TFEC: variants seen among roughly 807,000 people sequenced by gnomAD.
TFEC encodes the protein transcription factor EC.
In TFEC, 31 loss-of-function variants were observed where a neutral mutation model predicts 41.6. The observed-to-expected ratio is 0.74, with a 90% CI of 0.56 to 1.01. The LOEUF (loss-of-function observed/expected upper bound fraction) is 1.01, where lower values mean the gene tolerates loss of function less well. TFEC is among the 50% of genes least tolerant of loss of function. The pLI is 0.00. For synonymous variants in TFEC, 143 were observed against 140.6 expected, an observed-to-expected ratio of 1.02 and a Z score of -0.12; for missense variants, 402 against 404.1, an observed-to-expected ratio of 0.99 and a Z score of 0.04.
At chr7:116,082,998 C>G (rs1031707368) in intron 3 of TFEC, among the ~76,000 whole-genome samples, 3 of 151,518 alleles carry the variant, frequency 2.0e-5, no homozygotes, top group Non-Finnish European at 4.4e-5. Flanking sequence ...GGCATAGATA[C>G]CAAGATACGT....
intron 3 of TFEC, among the ~76,000 whole-genome samples, chr7:115,971,291 C>T (rs1450568098): frequency 2.0e-5 from 3 of 151,714 alleles, no homozygotes; most frequent in African/African-American, 4.8e-5. Flanking sequence ...TTAGGTATCC[C>T]GTACTAACTG....
intron 1 of TFEC, among the ~76,000 whole-genome samples, chr7:115,988,207 G>A (rs1793944214): frequency 6.6e-6 from 1 of 152,002 alleles, no homozygotes; most frequent in East Asian, 1.9e-4. Context: ...AAAAAACATG[G>A]TTTGAAGAAG....
At position 115,935,286 on chromosome 7, in the gene TFEC, TTTG is replaced by T. The variant is rs1304576786; in HGVS notation, c.*5262_*5264del. 1 of 152,164 alleles carries T rather than the reference TTTG, an allele frequency of 6.6e-6. No homozygotes were observed. The highest frequency in any genetic ancestry group is 1.5e-5 in the Non-Finnish European group (1 of 67,682). The allele number at this position is 152,164 out of a possible 1,614,324, so 9.4% of individuals were successfully genotyped here. ...TTTCTTAGAAAATAAGACACATTAC[TTTG>T]TTATTAAAAATGAAAAATAGCAATA... On this transcript the variant is annotated 3_prime_UTR_variant, in exon 8 of 8. Coordinates refer to ENST00000265440, the MANE Select transcript of TFEC (RefSeq NM_012252.4).
intron 1 of TFEC, among the ~76,000 whole-genome samples, chr7:116,128,524 T>C (rs1798261968): frequency 2.0e-5 from 3 of 152,122 alleles, no homozygotes; most frequent in African/African-American, 7.2e-5. Flanking sequence ...TATAACAATT[T>C]AACTATTTTT....
At position 115,990,249 on chromosome 7, in the gene TFEC, G is replaced by T. The variant is rs566606568; in HGVS notation, c.-72-5736C>A. Among the ~76,000 whole-genome samples, 12 of 152,218 alleles carry T rather than the reference G, an allele frequency of 7.9e-5. No individual in the cohort carries two copies. The East Asian group carries it at 2.3e-3, about 29-fold the overall frequency. On this transcript the variant is annotated intron_variant, in intron 1 of 7. Transcript: ENST00000265440. The stretch of plus-strand genomic sequence containing the variant: ...TATGCCACCATCATCAAAGACAAAA[G>T]GTAGATGAATCCACAAAGATCGGGA...
Position 116,061,845 on chromosome 7 carries a change from C to T in TFEC, c.198+48863G>A, listed in dbSNP as rs184599056. 2.0e-5 allele frequency among the ~76,000 whole-genome samples: 3 copies of T among 152,244 alleles called. No individual in the cohort carries two copies. The East Asian group carries it at 5.8e-4, about 29-fold the overall frequency. On this transcript the variant is annotated intron_variant, in intron 3 of 8. Transcript: ENST00000484212. ...GATAGCAAATAAGGCTCAACATCAA[C>T]AGTTATTAGGGAAATGCAATTTAAA...
At chr7:115,987,995 AATAAGTAAATC>A (rs1202245646) in intron 1 of TFEC, among the ~76,000 whole-genome samples, 1 of 152,180 alleles carries the variant, frequency 6.6e-6, no homozygotes, top group African/African-American at 2.4e-5. Context: ...TTTTTAAAAC[AATAAGTAAATC>A]ATATCTTTAG....
At chr7:116,129,267 T>C (rs1798280286) in intron 1 of TFEC, among the ~76,000 whole-genome samples, 1 of 152,190 alleles carries the variant, frequency 6.6e-6, no homozygotes, top group African/African-American at 2.4e-5. Context: ...AGACAGTGGT[T>C]CTTTAGATAT....
At chr7:116,117,227 C>G (rs967603547) in intron 1 of TFEC, among the ~76,000 whole-genome samples, 10 of 151,696 alleles carry the variant, frequency 6.6e-5, no homozygotes, top group African/African-American at 2.4e-4. Flanking sequence ...GGAGAATTAC[C>G]TGAATTACAC....
intron 1 of TFEC, among the ~76,000 whole-genome samples, chr7:116,149,203 A>G (rs890544738): frequency 2.6e-5 from 4 of 152,212 alleles, no homozygotes; most frequent in African/African-American, 9.6e-5. Flanking sequence ...GTTAGTTATT[A>G]GAGAAATAAC....
chr7:116,014,433 T>C (rs1414996445), intron 1 of TFEC, among the ~76,000 whole-genome samples: 5 of 152,002 alleles, frequency 3.3e-5, no homozygotes, highest in Non-Finnish European at 7.4e-5. Flanking sequence ...TGTAACTTCA[T>C]AGAGGAGGAC....
chr7:116,014,853 C>G (rs1029238849), intron 1 of TFEC, among the ~76,000 whole-genome samples: 3 of 152,070 alleles, frequency 2.0e-5, no homozygotes, highest in African/African-American at 7.2e-5. Context: ...ATGTGGAACA[C>G]TGAATCAGTG....
chr7:116,121,915 T>C (rs1480764851), intron 1 of TFEC, among the ~76,000 whole-genome samples: 1 of 151,948 alleles, frequency 6.6e-6, no homozygotes, highest in Non-Finnish European at 1.5e-5. Context: ...AATGTAGCTA[T>C]TGGGAGGAAA....
intron 1 of TFEC, among the ~76,000 whole-genome samples, chr7:116,151,008 A>G (rs933617362): frequency 3.9e-5 from 6 of 152,208 alleles, no homozygotes; most frequent in Non-Finnish European, 8.8e-5. Context: ...TAATTTAAAC[A>G]TAATTTTATC....
intron 1 of TFEC, among the ~76,000 whole-genome samples, chr7:116,138,314 C>T (rs917864493): frequency 2.6e-5 from 4 of 152,132 alleles, no homozygotes; most frequent in African/African-American, 9.6e-5. Flanking sequence ...TTTTCATAAG[C>T]ATGATATTAT....
chr7:115,984,201 C>T, intron 2 of TFEC, 61 bp downstream of exon 2: 1 of 1,578,974 alleles, frequency 6.3e-7, no homozygotes, highest in South Asian at 1.2e-5. Context: ...ACTTCAATTA[C>T]TTTAATAGAG....
chr7:116,106,382 T>C (rs567257362), intron 3 of TFEC, among the ~76,000 whole-genome samples: 4 of 152,098 alleles, frequency 2.6e-5, no homozygotes, highest in African/African-American at 7.2e-5. Context: ...TTTTGTTTGT[T>C]TGTTTGTTTG....
intron 1 of TFEC, among the ~76,000 whole-genome samples, chr7:116,122,735 C>G (rs1463797072): frequency 6.6e-6 from 1 of 152,028 alleles, no homozygotes; most frequent in Non-Finnish European, 1.5e-5. Flanking sequence ...CAAGTAGAAG[C>G]AATGAAGGTT....
chr7:115,977,619 A>G (rs1428019643), intron 2 of TFEC, among the ~76,000 whole-genome samples: 1 of 152,028 alleles, frequency 6.6e-6, no homozygotes, highest in Non-Finnish European at 1.5e-5. Context: ...TCAGAAGATA[A>G]ATAAAACCAT....
Sources: allele counts gnomAD v4.1 joint callset (sites outside exome capture counted in the v4.1 genomes callset), GRCh38; gene constraint gnomAD v4.1.1; transcripts MANE v1.5; gene names NCBI Gene and HGNC (gene_info 2026-07-23, HGNC 2026-07-21).